FAAH2: variants seen among roughly 807,000 people sequenced by gnomAD.
The protein encoded by FAAH2 is fatty-acid amide hydrolase 2.
Under a neutral mutation model 36.9 loss-of-function variants are expected in FAAH2, and 60 were observed. The observed-to-expected ratio is 1.63, with a 90% CI of 1.32 to 2.02. The LOEUF (loss-of-function observed/expected upper bound fraction) is 2.02, where lower values mean the gene tolerates loss of function less well. FAAH2 is among the 30% of genes most tolerant of loss of function. The probability of loss-of-function intolerance (pLI) is 0.00; values close to 1 mark genes in which losing one functional copy is unlikely to be tolerated. For missense variants in FAAH2, 689 were observed against 397.5 expected (o/e 1.73, Z -6.23); for synonymous variants, 214 against 143.8 (o/e 1.49, Z -3.49).
intron 7 of FAAH2, among the ~76,000 whole-genome samples, chrX:57,424,873 G>A (rs1426408175): frequency 2.7e-5 from 3 of 111,331 alleles, no homozygotes; most frequent in Non-Finnish European, 5.7e-5. Context: ...TGGTAGCAAT[G>A]GATCCTAATC....
chrX:57,420,074 A>C (rs938113962), intron 7 of FAAH2, among the ~76,000 whole-genome samples: 41 of 111,165 alleles, frequency 3.7e-4, no homozygotes, highest in African/African-American at 1.0e-3. Context: ...TTCCATTGAT[A>C]TATATCTCTG....
At chrX:57,427,162 C>A (rs1292447808) in intron 7 of FAAH2, among the ~76,000 whole-genome samples, 4 of 110,382 alleles carry the variant, frequency 3.6e-5, no homozygotes, top group Non-Finnish European at 5.7e-5. Context: ...TTTCTGGAAA[C>A]ATACGACCTC....
the FAAH2 span, among the ~76,000 whole-genome samples, chrX:57,182,367 TAAAC>T: frequency 9.0e-6 from 1 of 111,574 alleles, no homozygotes; most frequent in Non-Finnish European, 1.9e-5. Context: ...GTAAGGATCT[TAAAC>T]AAATTTACAA....
intron 7 of FAAH2, among the ~76,000 whole-genome samples, chrX:57,413,468 A>G (rs751821387): frequency 8.9e-6 from 1 of 111,930 alleles, no homozygotes; most frequent in South Asian, 3.7e-4. Context: ...AGCACTATTT[A>G]TTTAATAGGG....
chrX:57,212,108 G>A, the FAAH2 span, among the ~76,000 whole-genome samples: 1 of 111,445 alleles, frequency 9.0e-6, no homozygotes, highest in Non-Finnish European at 1.9e-5. Context: ...GGTGGCAACA[G>A]TAGTCTCAGC....
In FAAH2 at chrX:57,383,120, T is replaced by A. The variant is rs2054903373; in HGVS notation, c.996+2091T>A. On this transcript the variant is annotated intron_variant, in intron 7 of 10. Transcript: ENST00000374900. Reference sequence around the variant, plus strand: ...ATGCAGAAAAGGCCTTTGACAAAATTTAACAACACTTCAAGCTAAAAGCTC... The same window carrying A: ...ATGCAGAAAAGGCCTTTGACAAAATATAACAACACTTCAAGCTAAAAGCTC... Among the ~76,000 whole-genome samples the A allele has an allele frequency of 3.6e-5, 4 of 111,651 alleles. No individual in the cohort carries two copies. In the South Asian group the frequency reaches 1.5e-3, roughly 42 times the overall value.
the FAAH2 span, among the ~76,000 whole-genome samples, chrX:57,241,121 G>T: frequency 1.8e-5 from 2 of 112,234 alleles, no homozygotes; most frequent in African/African-American, 3.2e-5. Flanking sequence ...TCAAATGCCT[G>T]TTAGGGACAT....
At chrX:57,301,928 C>T (rs1006332786) in intron 2 of FAAH2, among the ~76,000 whole-genome samples, 1 of 112,059 alleles carries the variant, frequency 8.9e-6, no homozygotes, top group East Asian at 2.8e-4. Context: ...CTCCTGAATG[C>T]AGTTTCGTCT....
intron 9 of FAAH2, among the ~76,000 whole-genome samples, chrX:57,447,631 T>C (rs1602699374): frequency 8.9e-6 from 1 of 112,203 alleles, no homozygotes; most frequent in South Asian, 3.7e-4. Context: ...GCCACCAAGG[T>C]TTGGGGCTTC....
At chrX:57,479,985 G>T (rs1056513207) in intron 10 of FAAH2, among the ~76,000 whole-genome samples, 2 of 111,468 alleles carry the variant, frequency 1.8e-5, no homozygotes, top group African/African-American at 3.3e-5. Context: ...TACAAACACC[G>T]CTATGCAAAT....
intron 8 of FAAH2, among the ~76,000 whole-genome samples, chrX:57,438,227 A>T (rs1190458209): frequency 1.2e-5 from 1 of 82,532 alleles, no homozygotes; most frequent in Non-Finnish European, 2.3e-5. Context: ...ATATATCAGT[A>T]TATATATCAG....
intron 10 of FAAH2, among the ~76,000 whole-genome samples, chrX:57,466,439 AG>A (rs1406395722): frequency 1.0e-5 from 1 of 97,932 alleles, no homozygotes; most frequent in Admixed American, 1.2e-4. Context: ...ATACTGGAAA[AG>A]TATATATATA....
chrX:57,137,321 G>A, the FAAH2 span: 1 of 759,432 alleles, frequency 1.3e-6, no homozygotes, highest in Non-Finnish European at 1.6e-6. Flanking sequence ...CTCGCTGAGT[G>A]ACTGCTTGCA....
chrX:57,306,588 C>T (rs1338724587), intron 2 of FAAH2, among the ~76,000 whole-genome samples: 7 of 107,191 alleles, frequency 6.5e-5, no homozygotes, highest in African/African-American at 2.4e-4. Context: ...GTGTTCTAAC[C>T]AACCCCAGTC....
At chrX:57,301,349 A>T (rs1423030479) in intron 2 of FAAH2, among the ~76,000 whole-genome samples, 1 of 108,296 alleles carries the variant, frequency 9.2e-6, no homozygotes, top group Non-Finnish European at 1.9e-5. Context: ...ATTCTCAGCA[A>T]ACTATCACAA....
intron 2 of FAAH2, among the ~76,000 whole-genome samples, chrX:57,304,062 C>A (rs2052451982): frequency 9.0e-6 from 1 of 111,093 alleles, no homozygotes; most frequent in Admixed American, 9.6e-5. Context: ...CAAAAATTAC[C>A]TGGGTGTGGT....
At chrX:57,453,498 C>A (rs2056818955) in intron 10 of FAAH2, among the ~76,000 whole-genome samples, 1 of 111,180 alleles carries the variant, frequency 9.0e-6, no homozygotes, top group Non-Finnish European at 1.9e-5. Context: ...ATAGGTGATT[C>A]CACAACCCCC....
intron 3 of FAAH2, among the ~76,000 whole-genome samples, chrX:57,324,497 G>C (rs1376236108): frequency 1.8e-5 from 2 of 111,701 alleles, no homozygotes; most frequent in Non-Finnish European, 1.9e-5. Flanking sequence ...CCATTTGTTT[G>C]TATCCACTTT....
chrX:57,443,808 CTGTT>C (rs1476658554), intron 8 of FAAH2, among the ~76,000 whole-genome samples: 3 of 112,127 alleles, frequency 2.7e-5, no homozygotes, highest in Non-Finnish European at 5.6e-5. Context: ...GATGTCCTTT[CTGTT>C]TGTTAGTTTT....
Sources: gnomAD v4.1 joint callset for allele counts (sites outside exome capture counted in the v4.1 genomes callset) on GRCh38, gnomAD v4.1.1 for gene constraint, MANE v1.5 for transcripts, NCBI Gene and HGNC (gene_info 2026-07-23, HGNC 2026-07-21) for gene names.